The following NOTCH3 variants were observed in gnomAD, a reference collection of about 807,000 sequenced individuals.
The protein encoded by NOTCH3 is notch receptor 3, also known as neurogenic locus notch homolog protein 3.
Under a neutral mutation model 213.3 loss-of-function variants are expected in NOTCH3, and 86 were observed. The ratio of observed to expected loss-of-function variants is 0.40; its 90% CI spans 0.34 to 0.48. The LOEUF is 0.48. NOTCH3 is among the 20% of genes least tolerant of loss of function. The pLI, the probability that NOTCH3 is intolerant of heterozygous loss-of-function variation, is 0.57. For synonymous variants in NOTCH3, 1,354 were observed against 1,355.9 expected (o/e 1.00, Z 0.03); for missense variants, 2,783 against 3,272.6 (o/e 0.85, Z 3.65).
At chr19:15,174,797 C>T (rs1008795329) in intron 24 of NOTCH3, among the ~76,000 whole-genome samples, 15 of 152,154 alleles carry the variant, frequency 9.9e-5, no homozygotes, top group Non-Finnish European at 2.1e-4. Context: ...TGCTGTTGAA[C>T]TCCTGACCTC....
At chr19:15,168,113 G>A (rs939145266) in intron 28 of NOTCH3, among the ~76,000 whole-genome samples, 3 of 152,060 alleles carry the variant, frequency 2.0e-5, no homozygotes, top group African/African-American at 7.2e-5. Context: ...GATAGCATCT[G>A]ATCCAGGTTC....
chr19:15,175,847 A>C (rs1340568827), intron 24 of NOTCH3, among the ~76,000 whole-genome samples: 1 of 151,558 alleles, frequency 6.6e-6, no homozygotes, highest in Non-Finnish European at 1.5e-5. Context: ...GAAACAGCAG[A>C]GAGGCCAGGG....
chr19:15,166,817 G>A (rs190669180), intron 29 of NOTCH3, among the ~76,000 whole-genome samples: 101 of 152,178 alleles, frequency 6.6e-4, no homozygotes, highest in Middle Eastern at 3.4e-3. Flanking sequence ...CAGCAGACCC[G>A]ACCCCCACCA....
Position 15,174,375 on chromosome 19 carries a change from C to G in NOTCH3, c.4429G>C (p.Asp1477His), listed in dbSNP as rs975580649. 6.5e-7 allele frequency: 1 copy of G among 1,536,306 alleles called. No homozygotes were observed. The highest frequency in any genetic ancestry group is 8.8e-7 in the Non-Finnish European group (1 of 1,136,824). Residue 1477 changes from aspartate (D) to histidine (H), a missense_variant, in exon 25 of 33, where the codon GAC becomes CAC. Physicochemically the swap from Asp to His is moderately conservative, Grantham distance 81. Coordinates refer to ENST00000263388, the MANE Select transcript of NOTCH3 (RefSeq NM_000435.3). ...CNPVYEKYCA[D>H]HFADGRCDQG... ...TCGCAGCGGCCGTCGGCAAAGTGGT[C>G]GGCGCAGTACTTCTCGTACACCGGG...
intron 1 of NOTCH3, among the ~76,000 whole-genome samples, chr19:15,199,404 G>A (rs1000251334): frequency 1.3e-5 from 2 of 152,136 alleles, no homozygotes; most frequent in Admixed American, 6.5e-5. Flanking sequence ...TGTGTGCACC[G>A]CTGTGTCTGT....
At chr19:15,200,026 G>A (rs1448435169) in intron 1 of NOTCH3, among the ~76,000 whole-genome samples, 2 of 138,618 alleles carry the variant, frequency 1.4e-5, no homozygotes, top group Non-Finnish European at 3.1e-5. Flanking sequence ...GTCCCGAGCG[G>A]GGGAGGGGAG....
Position 15,170,071 on chromosome 19 carries a change from G to A in NOTCH3, c.5199+15C>T. 6.6e-7 allele frequency: 1 copy of A among 1,524,090 alleles called. No homozygotes were observed. The highest frequency in any genetic ancestry group is 9.0e-7 in the Non-Finnish European group (1 of 1,113,322). The allele number at this position is 1,524,090 out of a possible 1,614,324, so 94.4% of individuals were successfully genotyped here. A position where few individuals can be genotyped will look rare whatever the true frequency, so the allele number is the denominator to read the frequency against. On this transcript the variant is annotated intron_variant, in intron 28 of 32. Transcript: ENST00000263388. The stretch of plus-strand genomic sequence containing the variant: ...GGGTCAGAGGAGGGGGCAAAGGTCA[G>A]AGGGGGGGCAGTACCTTTAGCCGCT...
At chr19:15,198,761 A>T (rs187785421) in intron 1 of NOTCH3, among the ~76,000 whole-genome samples, 54 of 151,726 alleles carry the variant, frequency 3.6e-4, no homozygotes, top group Admixed American at 5.9e-4. Flanking sequence ...CCAAAAAAAA[A>T]TTAGCTGGGT....
chr19:15,191,926 A>G (rs772806816), intron 4 of NOTCH3, 34 bp downstream of exon 4: 3 of 1,613,486 alleles, frequency 1.9e-6, no homozygotes, highest in Non-Finnish European at 2.5e-6. Flanking sequence ...CCCCACGCCC[A>G]CCCCTCTGAC....
intron 28 of NOTCH3, among the ~76,000 whole-genome samples, chr19:15,169,716 T>C (rs1339878856): frequency 1.3e-5 from 2 of 152,066 alleles, no homozygotes; most frequent in Admixed American, 6.6e-5. Context: ...TCAGGCTAAG[T>C]CCATGCTGGA....
chr19:15,160,306 T>TA lies in NOTCH3; in HGVS notation c.*355dup, dbSNP rs59869411. 0.021 allele frequency: 4,276 copies of TA among 204,966 alleles called. 36 individuals are homozygous for TA. The highest frequency in any genetic ancestry group is 0.044 in the African/African-American group (1,838 of 41,506). 12.7% of individuals were successfully genotyped at this position (204,966 alleles called of 1,614,324 possible). A position where few individuals can be genotyped will look rare whatever the true frequency, so the allele number is the denominator to read the frequency against. On this transcript the variant is annotated 3_prime_UTR_variant, in exon 33 of 33. Coordinates refer to ENST00000263388, the MANE Select transcript of NOTCH3 (RefSeq NM_000435.3). ...AATGAATTTGTTTCTATACAAAATG[T>TA]AAAAAAAAAAAGAAAAATAAAAATA... is the stretch of plus-strand genomic sequence containing the variant.
chr19:15,199,546 GTGTA>G (rs1211213358), intron 1 of NOTCH3, among the ~76,000 whole-genome samples: 1 of 152,286 alleles, frequency 6.6e-6, no homozygotes, highest in African/African-American at 2.4e-5. Context: ...ATATTTGTGT[GTGTA>G]TGTATGTCAA....
chr19:15,171,988 C>T (rs907936656), intron 25 of NOTCH3, among the ~76,000 whole-genome samples: 1 of 152,110 alleles, frequency 6.6e-6, no homozygotes, highest in Non-Finnish European at 1.5e-5. Context: ...CCTCCACGTC[C>T]AGGGTTCAGG....
Position 15,178,057 on chromosome 19 carries a change from G to C in NOTCH3, c.3871C>G (p.Arg1291Gly), listed in dbSNP as rs2046807463. Reference sequence around the variant, plus strand: ...GGGCACTGCAGCTCCCGGCAGGAGCGCGCCACCCGCTCGCAACGCGGACCC... The same window carrying C: ...GGGCACTGCAGCTCCCGGCAGGAGCCCGCCACCCGCTCGCAACGCGGACCC... ...FWGPRCERVA[R>G]SCRELQCPVG... Residue 1291 changes from arginine (R) to glycine (G), a missense_variant, in exon 24 of 33, where the codon CGC (arginine) becomes GGC (glycine). By Grantham distance (125) the Arg-to-Gly change is moderately radical (BLOSUM62 -2). This residue lies in a region of NOTCH3 where 861 missense variants were observed against 909.1 expected (regional missense o/e 0.95). Transcript: ENST00000263388. 1.3e-6 allele frequency: 2 copies of C among 1,519,916 alleles called. No individual in the cohort carries two copies. The highest frequency in any genetic ancestry group is 1.8e-6 in the Non-Finnish European group (2 of 1,139,598). 94.2% of individuals were successfully genotyped at this position (1,519,916 alleles called of 1,614,324 possible). A position where few individuals can be genotyped will look rare whatever the true frequency, so the allele number is the denominator to read the frequency against.
At chr19:15,173,724 CAAAAAAAA>C (rs1212635746) in intron 25 of NOTCH3, among the ~76,000 whole-genome samples, 80,208 of 131,156 alleles carry the variant, frequency 0.61, 26,061 homozygotes, top group Non-Finnish European at 0.73. Context: ...GACTCCGTCT[CAAAAAAAA>C]AAAAAAAAAG....
chr19:15,182,997 T>C (rs1406449540), intron 16 of NOTCH3, among the ~76,000 whole-genome samples: 1 of 152,168 alleles, frequency 6.6e-6, no homozygotes, highest in Non-Finnish European at 1.5e-5. Flanking sequence ...TCAGGCACAG[T>C]GGCAGCAGTC....
intron 23 of NOTCH3, 43 bp from the exon 24 acceptor site, chr19:15,178,133 G>T: frequency 1.6e-6 from 2 of 1,236,048 alleles, no homozygotes; most frequent in South Asian, 1.3e-5. Flanking sequence ...AATGAGGGTG[G>T]GGAGTGGAGG....
chr19:15,170,664 G>A lies in NOTCH3; in HGVS notation c.4891+7C>T. On this transcript the variant is annotated splice_region_variant and intron_variant, in intron 26 of 32. Coordinates refer to ENST00000263388, the MANE Select transcript of NOTCH3 (RefSeq NM_000435.3). ...CCCGCCACCCCCTCCCCAAGGCAGG[G>A]CCGCACCCCGCACGTCCCGCAGTGG... 1.3e-6 allele frequency: 2 copies of A among 1,561,158 alleles called. No individual in the cohort carries two copies. Among genetic ancestry groups the A allele is most frequent in the South Asian group, 1.2e-5 (1 of 85,330 alleles).
At chr19:15,197,748 C>CT (rs2046981728) in intron 1 of NOTCH3, among the ~76,000 whole-genome samples, 170 bp from the exon 2 acceptor site, 1 of 140,844 alleles carries the variant, frequency 7.1e-6, no homozygotes, top group Non-Finnish European at 1.5e-5. Flanking sequence ...CCCCCCCCCC[C>CT]GCCCCAGCCC....
Sources: allele counts gnomAD v4.1 joint callset (sites outside exome capture counted in the v4.1 genomes callset), GRCh38; gene constraint gnomAD v4.1.1; regional missense constraint gnomAD v4.1.1; transcripts MANE v1.5; gene names NCBI Gene and HGNC (gene_info 2026-07-23, HGNC 2026-07-21).